The following EPB41L3 variants were observed in gnomAD, a reference collection of about 807,000 sequenced individuals.
EPB41L3 encodes the protein erythrocyte membrane protein band 4.1 like 3.
In EPB41L3, 57 loss-of-function variants were observed where a neutral mutation model predicts 127.1. The ratio of observed to expected loss-of-function variants is 0.45; its 90% CI spans 0.36 to 0.56. The LOEUF is 0.56. Ranked by LOEUF, EPB41L3 falls within the 20% of genes least tolerant of loss-of-function variation. The probability of loss-of-function intolerance (pLI) is 0.00; values close to 1 mark genes in which losing one functional copy is unlikely to be tolerated. For synonymous variants in EPB41L3, 572 were observed against 549.5 expected (o/e 1.04, Z -0.57); for missense variants, 1,273 against 1,372.2 (o/e 0.93, Z 1.14).
rs199822438 is a variant in EPB41L3, at chr18:5,416,311, G to A, written c.1574C>T (p.Pro525Leu). 1.6e-5 allele frequency: 26 copies of A among 1,614,106 alleles called. No homozygotes were observed. Among genetic ancestry groups the A allele is most frequent in the African/African-American group, 2.7e-5 (2 of 75,038 alleles). Residue 525 changes from proline to leucine, a missense_variant, in exon 13 of 23, where the codon CCC (proline) becomes CTC (leucine). This residue lies in a region of EPB41L3 where 765 missense variants were observed against 782.9 expected (regional missense o/e 0.98). Coordinates refer to ENST00000341928, the MANE Select transcript of EPB41L3 (RefSeq NM_012307.5). ...PPSTHCAPTS[P>L]TELRRRCKEN... ...CTTACACCTCCTACGGAGCTCTGTG[G>A]GAGATGTGGGGGCACAATGGGTGGA... is the stretch of plus-strand genomic sequence containing the variant.
chr18:5,469,794 G>C (rs1470747108), intron 3 of EPB41L3, among the ~76,000 whole-genome samples: 1 of 139,542 alleles, frequency 7.2e-6, no homozygotes, highest in Admixed American at 7.2e-5. Flanking sequence ...TTTTTTTTGA[G>C]ATGGAGTCTT....
At chr18:5,598,116 A>G (rs1335670025) in intron 3 of EPB41L3, among the ~76,000 whole-genome samples, 1 of 152,138 alleles carries the variant, frequency 6.6e-6, no homozygotes, top group Non-Finnish European at 1.5e-5. Context: ...GAGGCCCAGG[A>G]ACCCCTGGGG....
At chr18:5,482,030 A>T (rs1423663390) in intron 2 of EPB41L3, among the ~76,000 whole-genome samples, 1 of 152,242 alleles carries the variant, frequency 6.6e-6, no homozygotes, top group Admixed American at 6.5e-5. Flanking sequence ...CAAAAAGACA[A>T]GGGAAAATCC....
chr18:5,602,269 G>A lies in EPB41L3; in HGVS notation c.-306+10071C>T, dbSNP rs143387490. On this transcript the variant is annotated intron_variant, in intron 3 of 21. Coordinates refer to the EPB41L3 transcript ENST00000545076. Reference sequence around the variant, plus strand: ...ACTCATTTTCCCCTAAATGCTGCACGTTTTCCATCCCTCCTGCCAGTATTA... The same window carrying A: ...ACTCATTTTCCCCTAAATGCTGCACATTTTCCATCCCTCCTGCCAGTATTA... 4.9e-3 allele frequency among the ~76,000 whole-genome samples: 749 copies of A among 152,186 alleles called. 7 individuals carry two copies. The highest frequency in any genetic ancestry group is 0.016 in the African/African-American group (661 of 41,530).
chr18:5,449,918 G>A (rs2082056986), intron 3 of EPB41L3, among the ~76,000 whole-genome samples: 1 of 152,160 alleles, frequency 6.6e-6, no homozygotes, highest in South Asian at 2.1e-4. Context: ...ATAAGTGATA[G>A]TAAGATAGAA....
chr18:5,446,089 C>T (rs937242826), intron 3 of EPB41L3, among the ~76,000 whole-genome samples: 1 of 152,160 alleles, frequency 6.6e-6, no homozygotes, highest in Non-Finnish European at 1.5e-5. Flanking sequence ...TATCCCAAAT[C>T]CTTAGTTAGA....
rs1439667359 is a variant in EPB41L3, at chr18:5,540,174, G to A, written c.-12+3739C>T. On this transcript the variant is annotated intron_variant, in intron 1 of 22. Coordinates refer to ENST00000341928, the MANE Select transcript of EPB41L3 (RefSeq NM_012307.5). ...TTTCTTGTTCTTTAATTTTGTAAATGGCCCTTCTAAAAAATTACAGTTTTC... is the reference window on the plus strand; with the variant it reads ...TTTCTTGTTCTTTAATTTTGTAAATAGCCCTTCTAAAAAATTACAGTTTTC... Among the ~76,000 whole-genome samples, 7 of 152,048 alleles carry A rather than the reference G, an allele frequency of 4.6e-5. No individual in the cohort carries two copies. The South Asian group carries it at 1.5e-3, about 32-fold the overall frequency.
At chr18:5,396,976 C>A in intron 18 of EPB41L3, 82 bp downstream of exon 18, 17 of 1,426,016 alleles carry the variant, frequency 1.2e-5, no homozygotes, top group East Asian at 2.3e-5. Flanking sequence ...AAACTTAGCT[C>A]CACCTTTATG....
At chr18:5,429,114 C>T (rs2078629759) in intron 8 of EPB41L3, 2 of 152,068 alleles carry the variant, frequency 1.3e-5, no homozygotes, top group African/African-American at 4.8e-5. Context: ...TGTATTTTCC[C>T]CAACAACCGC....
chr18:5,554,307 A>T, intron 3 of EPB41L3, among the ~76,000 whole-genome samples: 1 of 152,208 alleles, frequency 6.6e-6, no homozygotes, highest in East Asian at 1.9e-4. Flanking sequence ...TGGAGAAGGC[A>T]TTCAATCTAT....
At chr18:5,440,883 T>C (rs952899574) in intron 5 of EPB41L3, among the ~76,000 whole-genome samples, 6 of 152,128 alleles carry the variant, frequency 3.9e-5, no homozygotes, top group African/African-American at 1.4e-4. Flanking sequence ...AGTTTCAAAA[T>C]TTTGTTTTTT....
At chr18:5,541,155 A>G (rs1177385422) in intron 1 of EPB41L3, among the ~76,000 whole-genome samples, 3 of 138,872 alleles carry the variant, frequency 2.2e-5, no homozygotes, top group African/African-American at 7.8e-5. Flanking sequence ...CGGGAGGTTG[A>G]GGCAAAAGAA....
At chr18:5,466,475 C>A (rs1457796765) in intron 3 of EPB41L3, 2 of 152,182 alleles carry the variant, frequency 1.3e-5, no homozygotes, top group Non-Finnish European at 2.9e-5. Flanking sequence ...CACGACAGGG[C>A]CTTCAACAGC....
At chr18:5,410,444 A>G (rs1427172322) in intron 14 of EPB41L3, 122 bp downstream of exon 14, 2 of 686,074 alleles carry the variant, frequency 2.9e-6, no homozygotes, top group African/African-American at 1.7e-5. Flanking sequence ...TTTAACTCCA[A>G]CTGTTAAAGT....
intron 1 of EPB41L3, among the ~76,000 whole-genome samples, chr18:5,522,732 C>T (rs2093045777): frequency 1.3e-5 from 2 of 152,032 alleles, no homozygotes; most frequent in African/African-American, 4.8e-5. Context: ...CTCTTGGAAG[C>T]CATTCTGGTT....
Position 5,396,194 on chromosome 18 carries a change from A to G in EPB41L3, c.2973+7T>C, listed in dbSNP as rs1294115434. On this transcript the variant is annotated splice_region_variant and intron_variant, in intron 19 of 22. Coordinates refer to ENST00000341928, the MANE Select transcript of EPB41L3 (RefSeq NM_012307.5). ...GCCAGGGCTCTGGTCTTCACAGAAT[A>G]TCTCACCTGTGATGATTCATATGTG... 15 of 1,613,964 alleles carry G rather than the reference A, an allele frequency of 9.3e-6. No homozygotes were observed. The highest frequency in any genetic ancestry group is 1.3e-5 in the Non-Finnish European group (15 of 1,179,924).
intron 1 of EPB41L3, among the ~76,000 whole-genome samples, chr18:5,532,679 T>C (rs1440990081): frequency 1.3e-5 from 2 of 152,144 alleles, no homozygotes; most frequent in African/African-American, 2.4e-5. Context: ...TGGGAGATGC[T>C]TGAACTAGAA....
At chr18:5,555,847 G>GT (rs1283867703) in intron 3 of EPB41L3, among the ~76,000 whole-genome samples, 2 of 152,174 alleles carry the variant, frequency 1.3e-5, no homozygotes, top group Non-Finnish European at 2.9e-5. Context: ...CCTCGATGCT[G>GT]TAAGTGTTCC....
intron 3 of EPB41L3, among the ~76,000 whole-genome samples, chr18:5,556,097 C>T (rs1276348365): frequency 2.0e-5 from 3 of 152,196 alleles, no homozygotes; most frequent in Non-Finnish European, 4.4e-5. Context: ...TGCACACTGC[C>T]TGGCATGTAA....
Sources: allele counts gnomAD v4.1 joint callset (sites outside exome capture counted in the v4.1 genomes callset), GRCh38; gene constraint gnomAD v4.1.1; regional missense constraint gnomAD v4.1.1; transcripts MANE v1.5; gene names NCBI Gene and HGNC (gene_info 2026-07-23, HGNC 2026-07-21).